MGAT4C: variants seen among roughly 807,000 people sequenced by gnomAD.
MGAT4C encodes the protein MGAT4 family member C.
Under a neutral mutation model 40.1 loss-of-function variants are expected in MGAT4C, and 19 were observed. That is an observed-to-expected ratio of 0.47 (90% CI 0.33 to 0.70). MGAT4C has a LOEUF of 0.70. Among genes scored for constraint, MGAT4C ranks in the 30% least tolerant of loss-of-function variants. The probability of loss-of-function intolerance (pLI) is 0.02; values close to 1 mark genes in which losing one functional copy is unlikely to be tolerated. For missense variants in MGAT4C, 491 were observed against 563.2 expected, an observed-to-expected ratio of 0.87 and a Z score of 1.30; for synonymous variants, 181 against 187.1, an observed-to-expected ratio of 0.97 and a Z score of 0.27.
chr12:86,212,891 C>CAAAAAAAAAAAA (rs71076172), intron 1 of MGAT4C, among the ~76,000 whole-genome samples: 2 of 22,514 alleles, frequency 8.9e-5, no homozygotes, highest in African/African-American at 1.9e-4. Flanking sequence ...GACTCCGTCT[C>CAAAAAAAAAAAA]AAAAAAAAAA....
intron 3 of MGAT4C, among the ~76,000 whole-genome samples, chr12:86,420,794 T>TATAC (rs1555186509): frequency 3.4e-5 from 5 of 148,290 alleles, no homozygotes; most frequent in African/African-American, 7.4e-5. Context: ...TATATATATA[T>TATAC]ACACACACAC....
chr12:86,748,757 T>G (rs1951190817), intron 1 of MGAT4C, among the ~76,000 whole-genome samples: 1 of 151,652 alleles, frequency 6.6e-6, no homozygotes, highest in Admixed American at 6.6e-5. Flanking sequence ...GAGTTGGATT[T>G]TTTTTAAACA....
At chr12:86,578,826 G>T (rs563404555) in intron 2 of MGAT4C, among the ~76,000 whole-genome samples, 4 of 150,892 alleles carry the variant, frequency 2.7e-5, no homozygotes, top group Non-Finnish European at 5.9e-5. Flanking sequence ...TTGATCTTTT[G>T]TATTTTTTAT....
chr12:86,074,337 TATAG>T (rs3991314), intron 1 of MGAT4C, among the ~76,000 whole-genome samples: 4,859 of 149,110 alleles, frequency 0.033, 89 homozygotes, highest in African/African-American at 0.043. Flanking sequence ...TTAATAAACA[TATAG>T]ATAGATAGAT....
chr12:86,270,887 G>C (rs1004044130), intron 4 of MGAT4C, among the ~76,000 whole-genome samples: 1 of 152,110 alleles, frequency 6.6e-6, no homozygotes, highest in East Asian at 1.9e-4. Flanking sequence ...ACTAATCTTC[G>C]ACAAAGATGA....
At chr12:86,775,740 G>T (rs1045045367) in intron 1 of MGAT4C, among the ~76,000 whole-genome samples, 5 of 151,546 alleles carry the variant, frequency 3.3e-5, no homozygotes, top group Non-Finnish European at 7.4e-5. Context: ...GTGCTCAAAT[G>T]CACAAACTTA....
At position 86,192,375 on chromosome 12, in the gene MGAT4C, C is replaced by T. The variant is rs914438619; in HGVS notation, c.-57+63864G>A. Among the ~76,000 whole-genome samples the T allele has an allele frequency of 3.9e-5, 6 of 152,290 alleles. No individual in the cohort carries two copies. In the East Asian group the frequency reaches 9.7e-4, roughly 25 times the overall value. ...AGCAATTTTGATGAAGCTGAGGACA[C>T]TGAATTCCAAAATTCTGCAGTCATC... On this transcript the variant is annotated intron_variant, in intron 1 of 4. Coordinates refer to ENST00000611864, the MANE Select transcript of MGAT4C (RefSeq NM_001351288.2).
intron 1 of MGAT4C, among the ~76,000 whole-genome samples, chr12:86,081,684 C>T (rs1298916304): frequency 6.6e-6 from 1 of 152,010 alleles, no homozygotes; most frequent in Admixed American, 6.6e-5. Flanking sequence ...ATGAAGCTTG[C>T]ACATTGAGGC....
chr12:86,170,836 C>T (rs775779971), intron 1 of MGAT4C, among the ~76,000 whole-genome samples: 3 of 151,638 alleles, frequency 2.0e-5, no homozygotes, highest in African/African-American at 4.9e-5. Flanking sequence ...GCCTGGAGTC[C>T]GAGCTACTAG....
At chr12:86,327,616 T>G (rs1223052284) in intron 4 of MGAT4C, among the ~76,000 whole-genome samples, 1 of 151,974 alleles carries the variant, frequency 6.6e-6, no homozygotes, top group Non-Finnish European at 1.5e-5. Context: ...AAAATTGAGG[T>G]AAAAAGAAAA....
chr12:86,258,031 T>A (rs550078845), upstream of MGAT4C, among the ~76,000 whole-genome samples: 2 of 152,030 alleles, frequency 1.3e-5, no homozygotes, highest in African/African-American at 4.8e-5. Context: ...TAATTAATAT[T>A]ATCGTTGTTA....
chr12:86,605,340 G>T (rs757497731), intron 2 of MGAT4C, among the ~76,000 whole-genome samples: 5 of 151,884 alleles, frequency 3.3e-5, no homozygotes, highest in Non-Finnish European at 5.9e-5. Flanking sequence ...CTTCATCTTT[G>T]GAATTATGAT....
chr12:86,738,719 A>G (rs1411795998), intron 1 of MGAT4C, among the ~76,000 whole-genome samples: 1 of 151,324 alleles, frequency 6.6e-6, no homozygotes, highest in African/African-American at 2.4e-5. Context: ...AATGTTAAGA[A>G]TATGACACAT....
chr12:86,124,077 T>C (rs1475152271), intron 1 of MGAT4C, among the ~76,000 whole-genome samples: 2 of 151,930 alleles, frequency 1.3e-5, no homozygotes, highest in South Asian at 2.1e-4. Flanking sequence ...TTCCTGGAGA[T>C]ATGAGAGTGA....
chr12:86,123,504 A>T (rs1879777487), intron 1 of MGAT4C, among the ~76,000 whole-genome samples: 1 of 152,120 alleles, frequency 6.6e-6, no homozygotes, highest in Admixed American at 6.6e-5. Flanking sequence ...TGTAATACCA[A>T]ATCTTCAACT....
intron 3 of MGAT4C, among the ~76,000 whole-genome samples, chr12:86,398,502 T>C (rs1007616739): frequency 2.0e-5 from 3 of 152,254 alleles, no homozygotes; most frequent in African/African-American, 7.2e-5. Flanking sequence ...CATACATGTA[T>C]ACATATATGG....
intron 2 of MGAT4C, among the ~76,000 whole-genome samples, chr12:86,492,675 A>T (rs1958161499): frequency 6.6e-6 from 1 of 152,190 alleles, no homozygotes. Flanking sequence ...TAAACGTTAG[A>T]CCTAAAACCA....
rs371560382 is a variant in MGAT4C at position 86,758,393 on chromosome 12, A to T, written c.-261-31152T>A. On this transcript the variant is annotated intron_variant, in intron 1 of 7. Transcript: ENST00000548651. ...CCGAATCCTTTTTTTTTTTTTTTAA[A>T]AAAAAGAAACTAACATTAATTAGTA... is the stretch of plus-strand genomic sequence containing the variant. Among the ~76,000 whole-genome samples, 544 of 144,362 alleles carry T rather than the reference A, an allele frequency of 3.8e-3. 2 individuals are homozygous for T. Among genetic ancestry groups the T allele is most frequent in the Middle Eastern group, 0.011 (3 of 284 alleles). The allele number at this position is 144,362 out of a possible 152,430, so 94.7% of individuals were successfully genotyped here.
chr12:86,741,998 G>T (rs1261038157), intron 1 of MGAT4C, among the ~76,000 whole-genome samples: 1 of 151,180 alleles, frequency 6.6e-6, no homozygotes, highest in Non-Finnish European at 1.5e-5. Flanking sequence ...AACTTGTAAG[G>T]CTTATTTGTT....
Sources: allele counts gnomAD v4.1 joint callset (sites outside exome capture counted in the v4.1 genomes callset), GRCh38; gene constraint gnomAD v4.1.1; transcripts MANE v1.5; gene names NCBI Gene and HGNC (gene_info 2026-07-23, HGNC 2026-07-21).